The following ZCCHC7 variants were observed in gnomAD, a reference collection of about 807,000 sequenced individuals.
ZCCHC7 encodes the protein zinc finger CCHC-type containing 7, also known as zinc finger CCHC domain-containing protein 7.
Under a neutral mutation model 52.0 loss-of-function variants are expected in ZCCHC7, and 35 were observed. The ratio of observed to expected loss-of-function variants is 0.67; its 90% confidence interval spans 0.51 to 0.89. The LOEUF (loss-of-function observed/expected upper bound fraction) is 0.89, where lower values mean the gene tolerates loss of function less well. Among genes scored for constraint, ZCCHC7 ranks in the 40% least tolerant of loss-of-function variants. The probability of loss-of-function intolerance (pLI) is 0.00; values close to 1 mark genes in which losing one functional copy is unlikely to be tolerated. For synonymous variants in ZCCHC7, 217 were observed against 221.5 expected, an observed-to-expected ratio of 0.98 and a Z score of 0.18; for missense variants, 574 against 649.1, an observed-to-expected ratio of 0.88 and a Z score of 1.26.
intron 6 of ZCCHC7, among the ~76,000 whole-genome samples, chr9:37,331,808 A>C (rs2118258008): frequency 6.6e-6 from 1 of 151,364 alleles, no homozygotes; most frequent in Non-Finnish European, 1.5e-5. Context: ...ATCTGTAAAA[A>C]CCATAATAAC....
intron 5 of ZCCHC7, among the ~76,000 whole-genome samples, chr9:37,315,544 A>G (rs1829779637): frequency 1.3e-5 from 2 of 152,074 alleles, no homozygotes; most frequent in African/African-American, 4.8e-5. Context: ...GAACATAAAA[A>G]TAATTCTCTC....
intron 2 of ZCCHC7, among the ~76,000 whole-genome samples, chr9:37,219,879 A>T (rs1824720743): frequency 6.6e-6 from 1 of 152,150 alleles, no homozygotes; most frequent in African/African-American, 2.4e-5. Context: ...GTCTCTGAAG[A>T]CTAGGCAGAA....
intron 5 of ZCCHC7, among the ~76,000 whole-genome samples, chr9:37,321,600 C>CA (rs1418985857): frequency 6.6e-6 from 1 of 151,808 alleles, no homozygotes; most frequent in African/African-American, 2.4e-5. Flanking sequence ...TCCATCTCTA[C>CA]AAAAAAATGA....
intron 2 of ZCCHC7, among the ~76,000 whole-genome samples, chr9:37,238,586 T>C (rs1380435530): frequency 1.3e-5 from 2 of 152,198 alleles, no homozygotes; most frequent in Admixed American, 1.3e-4. Flanking sequence ...ATCCACTTGA[T>C]GTCCACTTTT....
chr9:37,169,090 T>G (rs907414549), intron 2 of ZCCHC7, among the ~76,000 whole-genome samples: 3 of 152,244 alleles, frequency 2.0e-5, no homozygotes, highest in Admixed American at 6.5e-5. Context: ...AGCAATAATC[T>G]TAACCTTCCC....
intron 2 of ZCCHC7, chr9:37,186,873 G>A (rs547882015): frequency 7.3e-5 from 25 of 343,680 alleles, no homozygotes; most frequent in Admixed American, 5.0e-4. Flanking sequence ...ACCTAACTGC[G>A]ATTTATAAAA....
At chr9:37,196,599 G>A (rs1048654768) in intron 2 of ZCCHC7, among the ~76,000 whole-genome samples, 1 of 152,170 alleles carries the variant, frequency 6.6e-6, no homozygotes, top group Non-Finnish European at 1.5e-5. Context: ...TTGCTATCTA[G>A]CTTTGTTACA....
chr9:37,171,010 C>G (rs1821698953), intron 2 of ZCCHC7, among the ~76,000 whole-genome samples: 2 of 152,130 alleles, frequency 1.3e-5, no homozygotes, highest in South Asian at 4.1e-4. Flanking sequence ...GATTGCAGGA[C>G]TGTAGTTAAC....
At chr9:37,324,498 A>C (rs1830164745) in intron 5 of ZCCHC7, among the ~76,000 whole-genome samples, 1 of 152,206 alleles carries the variant, frequency 6.6e-6, no homozygotes, top group Non-Finnish European at 1.5e-5. Context: ...ACAAGCTCTT[A>C]AACGATCTAG....
chr9:37,351,005 C>G (rs1040125080), intron 7 of ZCCHC7, among the ~76,000 whole-genome samples: 2 of 152,092 alleles, frequency 1.3e-5, no homozygotes, highest in African/African-American at 4.8e-5. Flanking sequence ...AGTGGTATTG[C>G]AGGTTACCAC....
intron 6 of ZCCHC7, among the ~76,000 whole-genome samples, chr9:37,347,480 C>T (rs1821061368): frequency 6.6e-6 from 1 of 152,190 alleles, no homozygotes; most frequent in South Asian, 2.1e-4. Flanking sequence ...ACCTAATATA[C>T]ATACTGAAAA....
At chr9:37,289,885 G>T (rs1326269723) in intron 2 of ZCCHC7, among the ~76,000 whole-genome samples, 1 of 152,122 alleles carries the variant, frequency 6.6e-6, no homozygotes, top group Non-Finnish European at 1.5e-5. Flanking sequence ...CTTTGGCTGT[G>T]CCTACTGCCT....
chr9:37,243,059 A>T (rs1301797214), intron 2 of ZCCHC7, among the ~76,000 whole-genome samples: 1 of 151,784 alleles, frequency 6.6e-6, no homozygotes, highest in East Asian at 1.9e-4. Context: ...CATTTTAGAA[A>T]ACCAAAATGC....
intron 6 of ZCCHC7, among the ~76,000 whole-genome samples, chr9:37,335,728 T>G (rs1366605847): frequency 2.0e-5 from 3 of 152,198 alleles, no homozygotes; most frequent in Non-Finnish European, 2.9e-5. Context: ...TTATATTTAT[T>G]GAAGGGAATC....
At chr9:37,286,258 G>A (rs1828202712) in intron 2 of ZCCHC7, among the ~76,000 whole-genome samples, 1 of 152,030 alleles carries the variant, frequency 6.6e-6, no homozygotes, top group African/African-American at 2.4e-5. Context: ...AAGATTTTTG[G>A]TATTAAATCA....
intron 2 of ZCCHC7, among the ~76,000 whole-genome samples, chr9:37,165,228 G>A (rs765883631): frequency 2.6e-5 from 4 of 151,532 alleles, no homozygotes; most frequent in African/African-American, 7.3e-5. Flanking sequence ...TTCTTTTTTG[G>A]TAGATTCTTT....
intron 1 of ZCCHC7, among the ~76,000 whole-genome samples, chr9:37,125,722 GGT>G (rs1842513034): frequency 1.3e-5 from 2 of 152,156 alleles, no homozygotes; most frequent in Non-Finnish European, 2.9e-5. Context: ...TGTATCCTGC[GGT>G]AGATCTCAAT....
At chr9:37,307,263 A>G (rs1036888055) in intron 5 of ZCCHC7, among the ~76,000 whole-genome samples, 4 of 152,222 alleles carry the variant, frequency 2.6e-5, no homozygotes, top group Admixed American at 6.5e-5. Context: ...CTGTTGAAAT[A>G]AGCAAATACA....
chr9:37,124,607 G>A (rs956966402), intron 1 of ZCCHC7, among the ~76,000 whole-genome samples: 2 of 152,088 alleles, frequency 1.3e-5, no homozygotes, highest in African/African-American at 4.8e-5. Context: ...AATGTGATGA[G>A]TGTTTTGACA....
Sources: gnomAD v4.1 joint callset for allele counts (sites outside exome capture counted in the v4.1 genomes callset) on GRCh38, gnomAD v4.1.1 for gene constraint, MANE v1.5 for transcripts, NCBI Gene and HGNC (gene_info 2026-07-23, HGNC 2026-07-21) for gene names.